The following PHRF1 variants were observed in gnomAD, a reference collection of about 807,000 sequenced individuals.
The protein encoded by PHRF1 is PHD and ring finger domains 1.
Under a neutral mutation model 128.9 loss-of-function variants are expected in PHRF1, and 53 were observed. The ratio of observed to expected loss-of-function variants is 0.41; its 90% CI spans 0.33 to 0.52. The LOEUF (loss-of-function observed/expected upper bound fraction) is 0.52, where lower values mean the gene tolerates loss of function less well. Among genes scored for constraint, PHRF1 ranks in the 20% least tolerant of loss-of-function variants. PHRF1 has a pLI of 0.21. For missense variants in PHRF1, 2,503 were observed against 2,284.5 expected (o/e 1.10, Z -1.95); for synonymous variants, 1,178 against 980.6 (o/e 1.20, Z -3.76).
chr11:604,760 C>T (rs1199826302), intron 10 of PHRF1, among the ~76,000 whole-genome samples: 1 of 152,172 alleles, frequency 6.6e-6, no homozygotes, highest in African/African-American at 2.4e-5. Context: ...GATCTGTCTG[C>T]CTTGGGCTCC....
chr11:608,244 G>C lies in PHRF1; in HGVS notation c.2788G>C (p.Ala930Pro), dbSNP rs755317318. The change falls in exon 14 of 18, where the codon GCC becomes CCC. Residue 930 changes from alanine (A) to proline (P), a missense_variant. By Grantham distance (27) the Ala-to-Pro change is conservative. Transcript: ENST00000264555. Reference protein sequence around the residue: ...EEPTESQGLAARLRRPSPPEP... With the variant: ...EEPTESQGLAPRLRRPSPPEP... ...GCCCACAGAGAGCCAGGGCCTGGCT[G>C]CCCGGCTGCGGAGGCCATCCCCCCC... is the stretch of plus-strand genomic sequence containing the variant. 3 of 1,609,760 alleles carry C rather than the reference G, an allele frequency of 1.9e-6. No homozygotes were observed. The Admixed American group carries it at 5.0e-5, about 27-fold the overall frequency.
chr11:588,933 C>G (rs1854754616), intron 4 of PHRF1, among the ~76,000 whole-genome samples: 3 of 151,900 alleles, frequency 2.0e-5, no homozygotes, highest in South Asian at 2.1e-4. Flanking sequence ...GTCAAGAGAT[C>G]AAGACCATCC....
At chr11:590,102 G>C (rs55771159) in intron 4 of PHRF1, among the ~76,000 whole-genome samples, 30,842 of 115,152 alleles carry the variant, frequency 0.27, 3,975 homozygotes, top group Non-Finnish European at 0.35. Flanking sequence ...CTGAGAATGT[G>C]TGCAAACGGG....
rs1012519013 is a variant in PHRF1 at position 599,544 on chromosome 11, C to T, written c.1024+1042C>T. Among the ~76,000 whole-genome samples, 12 of 152,164 alleles carry T rather than the reference C, an allele frequency of 7.9e-5. No individual in the cohort carries two copies. The South Asian group carries it at 8.3e-4, about 11-fold the overall frequency. ...GGGATTACAGGCCTCTGAGCCACTGCGCCTGGCCTGAAGCGTACGTGCTTT... is the reference window on the plus strand; with the variant it reads ...GGGATTACAGGCCTCTGAGCCACTGTGCCTGGCCTGAAGCGTACGTGCTTT... On this transcript the variant is annotated intron_variant, in intron 9 of 17. Transcript: ENST00000264555.
chr11:578,930 A>G (rs1224230547), intron 1 of PHRF1, among the ~76,000 whole-genome samples: 1 of 151,360 alleles, frequency 6.6e-6, no homozygotes, highest in Non-Finnish European at 1.5e-5. Context: ...GCTCACTGCA[A>G]CCTCCGCCTG....
intron 11 of PHRF1, 88 bp downstream of exon 11, chr11:605,388 G>T: frequency 1.3e-6 from 2 of 1,529,568 alleles, no homozygotes; most frequent in African/African-American, 1.4e-5. Flanking sequence ...ATGCGGAGGC[G>T]TTAGGTTTTG....
intron 1 of PHRF1, among the ~76,000 whole-genome samples, chr11:579,261 C>A (rs1046900925): frequency 6.6e-6 from 1 of 151,572 alleles, no homozygotes; most frequent in African/African-American, 2.4e-5. Flanking sequence ...CTCCTCCCCC[C>A]AGCCCTGCTC....
rs375739393 is a variant in PHRF1 at position 609,380 on chromosome 11, G to A, written c.3924G>A (p.Ala1308=). Residue 1308 remains alanine (A), a synonymous_variant, in exon 14 of 18, where the codon GCG becomes GCA. Transcript: ENST00000264555. ...SPERDFPLKP[A]LPPASLAVAA... The stretch of plus-strand genomic sequence containing the variant: ...AGCGAGACTTCCCACTGAAGCCTGC[G>A]TTGCCCCCAGCCAGCCTGGCCGTGG... 9 of 1,611,564 alleles carry A rather than the reference G, an allele frequency of 5.6e-6. No homozygotes were observed. The highest frequency in any genetic ancestry group is 2.2e-5 in the East Asian group (1 of 44,890).
At chr11:580,628 C>T (rs190254729) in intron 1 of PHRF1, among the ~76,000 whole-genome samples, 4 of 152,338 alleles carry the variant, frequency 2.6e-5, no homozygotes, top group East Asian at 3.9e-4. Context: ...TGATAAAGCC[C>T]GGCTCTGCCT....
chr11:585,263 C>T (rs1267938855), intron 3 of PHRF1, among the ~76,000 whole-genome samples: 1 of 147,318 alleles, frequency 6.8e-6, no homozygotes, highest in African/African-American at 2.5e-5. Context: ...TAGCCCTTTC[C>T]AGCTTGAGGT....
chr11:582,264 C>CT (rs71022934), intron 3 of PHRF1, among the ~76,000 whole-genome samples, 183 bp downstream of exon 3: 3,395 of 120,626 alleles, frequency 0.028, 150 homozygotes, highest in African/African-American at 0.09. Context: ...TACTTCATTT[C>CT]TTTTTTTTTT....
In PHRF1 at chr11:610,730, G is replaced by A. The variant is rs755000074; in HGVS notation, c.4646G>A (p.Arg1549Lys). 2.6e-5 allele frequency: 41 copies of A among 1,601,858 alleles called. 1 individual carries two copies. In the South Asian group the frequency reaches 3.2e-4, roughly 12 times the overall value. The change falls in exon 16 of 18, where the codon AGG becomes AAG. Residue 1549 changes from arginine to lysine, a missense_variant. By Grantham distance (26) the Arg-to-Lys change is conservative. Coordinates refer to ENST00000264555, the MANE Select transcript of PHRF1 (RefSeq NM_001286581.2). ...TCGGAGGAGAAGACCCCGGCCCCCA[G>A]GCTAGCTGCGGAGAAAACCAAGAAG... ...SNSEEKTPAP[R>K]LAAEKTKKEE...
At chr11:593,494 C>T (rs952040943) in intron 6 of PHRF1, among the ~76,000 whole-genome samples, 2 of 152,250 alleles carry the variant, frequency 1.3e-5, no homozygotes, top group African/African-American at 2.4e-5. Flanking sequence ...CGGGTGGTCC[C>T]GGTCGTCCCA....
intron 1 of PHRF1, among the ~76,000 whole-genome samples, chr11:580,911 A>G (rs556867455): frequency 2.5e-4 from 38 of 151,698 alleles, no homozygotes; most frequent in Admixed American, 2.2e-3. Context: ...CTGGTCTCAA[A>G]CTCCCGACCT....
Position 612,059 on chromosome 11 carries a change from A to T in PHRF1, c.*282A>T. The stretch of plus-strand genomic sequence containing the variant: ...TTATCAAAAATGGATTATCTTTAGA[A>T]ACCTCTTGATTGACTTACTACTTGG... On this transcript the variant is annotated 3_prime_UTR_variant, in exon 18 of 18. Coordinates refer to ENST00000264555, the MANE Select transcript of PHRF1 (RefSeq NM_001286581.2). 1 of 482,506 alleles carries T rather than the reference A, an allele frequency of 2.1e-6. No homozygotes were observed. 29.9% of individuals were successfully genotyped at this position (482,506 alleles called of 1,614,324 possible).
chr11:577,533 GGC>G (rs1430077537), intron 1 of PHRF1, among the ~76,000 whole-genome samples: 3 of 152,248 alleles, frequency 2.0e-5, no homozygotes, highest in African/African-American at 7.2e-5. Context: ...GTGGATGGAT[GGC>G]ACCTCAGCAT....
chr11:609,322 C>T lies in PHRF1; in HGVS notation c.3866C>T (p.Pro1289Leu), dbSNP rs1221772429. The T allele has an allele frequency of 6.2e-7, 1 of 1,612,524 alleles. No individual in the cohort carries two copies. Among genetic ancestry groups the T allele is most frequent in the Non-Finnish European group, 8.5e-7 (1 of 1,179,884 alleles). Residue 1289 changes from proline to leucine, a missense_variant, in exon 14 of 18, where the codon CCA becomes CTA. By Grantham distance (98) the Pro-to-Leu change is moderately conservative. Coordinates refer to ENST00000264555, the MANE Select transcript of PHRF1 (RefSeq NM_001286581.2). Reference sequence around the variant, plus strand: ...ATCCAGCTCGATGACATGAGCTCGCCACCTTCTCCCGAAAGCACAGACTCT... The same window carrying T: ...ATCCAGCTCGATGACATGAGCTCGCTACCTTCTCCCGAAAGCACAGACTCT... ...VFIQLDDMSS[P>L]PSPESTDSSP...
At position 611,742 on chromosome 11, in the gene PHRF1, G is replaced by C. The variant is rs746564072; in HGVS notation, c.4915G>C (p.Gly1639Arg). The change falls in exon 18 of 18, where the codon GGG becomes CGG. Residue 1639 changes from glycine to arginine, a missense_variant. By Grantham distance (125) the Gly-to-Arg change is moderately radical. Transcript: ENST00000264555. ...GCGCAGGCACAAGAAACCAGAGGCC[G>C]GGGAGGAGCCGCCCACGCAGGGGGC... The part of the protein sequence containing the change: ...HMRRHKKPEA[G>R]EEPPTQGAEG The C allele has an allele frequency of 6.2e-7, 1 of 1,611,752 alleles. No homozygotes were observed. Among genetic ancestry groups the C allele is most frequent in the East Asian group, 2.2e-5 (1 of 44,850 alleles).
At chr11:577,323 CCTT>C (rs1564833831) in intron 1 of PHRF1, among the ~76,000 whole-genome samples, 1 of 152,210 alleles carries the variant, frequency 6.6e-6, no homozygotes. Context: ...TTGTGTTGCC[CCTT>C]CTTCGGAGTT....
Sources: gnomAD v4.1 joint callset for allele counts (sites outside exome capture counted in the v4.1 genomes callset) on GRCh38, gnomAD v4.1.1 for gene constraint, MANE v1.5 for transcripts, NCBI Gene and HGNC (gene_info 2026-07-23, HGNC 2026-07-21) for gene names.